The following EFL1 variants were observed in gnomAD, a reference collection of about 807,000 sequenced individuals.
The protein encoded by EFL1 is elongation factor-like GTPase 1.
Under a neutral mutation model 126.7 loss-of-function variants are expected in EFL1, and 76 were observed. The ratio of observed to expected loss-of-function variants is 0.60; its 90% CI spans 0.50 to 0.73. The LOEUF (loss-of-function observed/expected upper bound fraction) is 0.73, where lower values mean the gene tolerates loss of function less well. EFL1 is among the 30% of genes least tolerant of loss of function. EFL1 has a pLI of 0.00. For synonymous variants in EFL1, 410 were observed against 448.4 expected (o/e 0.91, Z 1.08); for missense variants, 1,128 against 1,343.2 (o/e 0.84, Z 2.50).
chr15:82,134,919 T>A, intron 19 of EFL1, among the ~76,000 whole-genome samples: 1 of 152,240 alleles, frequency 6.6e-6, no homozygotes, highest in South Asian at 2.1e-4. Context: ...TCAAAAGCTC[T>A]TGATTGTAAA....
In EFL1 at chr15:82,151,465, C is replaced by T. The variant is rs765604542; in HGVS notation, c.2989G>A (p.Gly997Ser). 1.1e-5 allele frequency: 17 copies of T among 1,602,104 alleles called. No individual in the cohort carries two copies. Among genetic ancestry groups the T allele is most frequent in the African/African-American group, 6.7e-5 (5 of 74,114 alleles). The change falls in exon 18 of 20, where the codon GGT becomes AGT. Residue 997 changes from glycine (G) to serine (S), a missense_variant and splice_region_variant. Physicochemically the swap from Gly to Ser is moderately conservative, Grantham distance 56. Transcript: ENST00000268206. ...ACTATCTTTACCTTTTCTTCCTTAC[C>T]GAGAACATCACCAGTGGCCATGATG... ...CDIMATGDVL[G>S]RVYAVLSKRE...
intron 17 of EFL1, among the ~76,000 whole-genome samples, chr15:82,154,217 C>T (rs1371039739): frequency 2.0e-5 from 3 of 152,174 alleles, no homozygotes. Flanking sequence ...AATGCAGAGC[C>T]TGTGATGACA....
At chr15:82,206,656 T>C (rs766579056) in intron 15 of EFL1, among the ~76,000 whole-genome samples, 4 of 152,094 alleles carry the variant, frequency 2.6e-5, no homozygotes, top group Non-Finnish European at 5.9e-5. Flanking sequence ...CTGGTCTCCA[T>C]TACAAATAAA....
At chr15:82,225,696 C>T (rs1330897341) in intron 11 of EFL1, among the ~76,000 whole-genome samples, 4 of 152,062 alleles carry the variant, frequency 2.6e-5, no homozygotes, top group Non-Finnish European at 4.4e-5. Flanking sequence ...CCCAATCCCC[C>T]ACAATAACAA....
chr15:82,140,954 A>G (rs2073780441), intron 18 of EFL1, among the ~76,000 whole-genome samples: 1 of 152,164 alleles, frequency 6.6e-6, no homozygotes, highest in African/African-American at 2.4e-5. Flanking sequence ...ACAATTCTTG[A>G]GTCCCAAATA....
chr15:82,201,823 T>C (rs2074471949), intron 15 of EFL1, among the ~76,000 whole-genome samples: 2 of 149,894 alleles, frequency 1.3e-5, no homozygotes, highest in South Asian at 4.3e-4. Flanking sequence ...GTTACTACTG[T>C]TTCCTTCTCC....
chr15:82,246,598 G>C (rs2074975242), intron 4 of EFL1, among the ~76,000 whole-genome samples: 2 of 152,074 alleles, frequency 1.3e-5, no homozygotes, highest in African/African-American at 4.8e-5. Flanking sequence ...AGAAAGACTT[G>C]AGCATGCTTA....
intron 3 of EFL1, among the ~76,000 whole-genome samples, chr15:82,255,949 A>G (rs899617858): frequency 6.6e-6 from 1 of 152,208 alleles, no homozygotes; most frequent in Non-Finnish European, 1.5e-5. Context: ...TTAAATCAGC[A>G]TATCAAGTTG....
Position 82,151,501 on chromosome 15 carries a change from A to G in EFL1, c.2953T>C (p.Tyr985His). Residue 985 changes from tyrosine to histidine, a missense_variant, in exon 18 of 20, where the codon TAC becomes CAC. This residue lies in a region of EFL1 where 561 missense variants were observed against 641.7 expected (regional missense o/e 0.87). Coordinates refer to ENST00000268206, the MANE Select transcript of EFL1 (RefSeq NM_024580.6). ...VKPQRLMAAMYTCDIMATGDV... is the reference protein window; with the variant it reads ...VKPQRLMAAMHTCDIMATGDV... Reference sequence around the variant, plus strand: ...CCAGTGGCCATGATGTCACATGTGTACATAGCTGCCATCAGGCGCTGAGGT... The same window carrying G: ...CCAGTGGCCATGATGTCACATGTGTGCATAGCTGCCATCAGGCGCTGAGGT... The G allele has an allele frequency of 1.2e-6, 2 of 1,613,780 alleles. No individual in the cohort carries two copies. Among genetic ancestry groups the G allele is most frequent in the Non-Finnish European group, 1.7e-6 (2 of 1,179,860 alleles).
intron 7 of EFL1, among the ~76,000 whole-genome samples, chr15:82,232,295 C>T (rs2074830522): frequency 6.6e-6 from 1 of 152,172 alleles, no homozygotes; most frequent in Admixed American, 6.5e-5. Context: ...ATGGTTAAAA[C>T]CAGAGATAAT....
At position 82,230,913 on chromosome 15, in the gene EFL1, T is replaced by G. The variant is rs1595997995; in HGVS notation, c.790A>C (p.Met264Leu). ...QKIGIKKEVL[M>L]KTLWGDYYIN... ...TAGTAATCTCCCCACAAGGTTTTCA[T>G]AAGAACTTCCTTTTTGATGCCAATT... Residue 264 changes from methionine (M) to leucine (L), a missense_variant, in exon 8 of 20, where the codon ATG becomes CTG. By Grantham distance (15) the Met-to-Leu change is conservative (BLOSUM62 2). Around this residue, in one of 6 missense-constraint regions of EFL1, gnomAD observed 316 missense variants for 318.5 expected, o/e 0.99. Coordinates refer to ENST00000268206, the MANE Select transcript of EFL1 (RefSeq NM_024580.6). The G allele has an allele frequency of 6.2e-7, 1 of 1,613,594 alleles. No individual in the cohort carries two copies. The highest frequency in any genetic ancestry group is 1.3e-5 in the African/African-American group (1 of 75,034).
chr15:82,132,801 G>A (rs1055286907), intron 19 of EFL1, among the ~76,000 whole-genome samples: 3 of 152,094 alleles, frequency 2.0e-5, no homozygotes, highest in Non-Finnish European at 4.4e-5. Flanking sequence ...TTGGTCATCT[G>A]AGGGGGTTCT....
At chr15:82,227,366 A>G (rs1258608256) in intron 11 of EFL1, 84 bp downstream of exon 11, 1 of 1,598,800 alleles carries the variant, frequency 6.3e-7, no homozygotes, top group Admixed American at 1.7e-5. Flanking sequence ...TTAGCAAACT[A>G]GCGTTCAGCA....
chr15:82,186,499 G>A (rs1263627930), intron 15 of EFL1, among the ~76,000 whole-genome samples: 1 of 152,162 alleles, frequency 6.6e-6, no homozygotes, highest in Non-Finnish European at 1.5e-5. Flanking sequence ...CAAATACCAG[G>A]TGTTCCAGTT....
At chr15:82,241,493 T>G in intron 4 of EFL1, 90 bp from the exon 5 acceptor site, 1 of 1,461,358 alleles carries the variant, frequency 6.8e-7, no homozygotes, top group African/African-American at 1.4e-5. Context: ...GCTGAAAGCT[T>G]CTAAGAAAAA....
chr15:82,132,728 G>A (rs932575127), intron 19 of EFL1, among the ~76,000 whole-genome samples: 5 of 147,590 alleles, frequency 3.4e-5, no homozygotes, highest in Admixed American at 1.4e-4. Flanking sequence ...GCGAATGGAT[G>A]GAATTTAGAC....
chr15:82,255,199 TG>T, intron 3 of EFL1, among the ~76,000 whole-genome samples: 1 of 152,354 alleles, frequency 6.6e-6, no homozygotes, highest in East Asian at 1.9e-4. Context: ...CTAAGTAAGA[TG>T]GGTGATAAAT....
At position 82,152,325 on chromosome 15, in the gene EFL1, C is replaced by A; in HGVS notation, c.2129G>T (p.Gly710Val). 6.2e-7 allele frequency: 1 copy of A among 1,613,940 alleles called. No homozygotes were observed. The highest frequency in any genetic ancestry group is 8.5e-7 in the Non-Finnish European group (1 of 1,180,014). The change falls in exon 18 of 20, where the codon GGC (glycine) becomes GTC (valine). Residue 710 changes from glycine (G) to valine (V), a missense_variant. By Grantham distance (109) the Gly-to-Val change is moderately radical (BLOSUM62 -3). Transcript: ENST00000268206. ...TATGACTGCAACTTTTTGCTGTTTG[C>A]CTATTTCTTCATTGACCATGTCAAC... ...PKVDMVNEEI[G>V]KQQKVAVIHQ... is the part of the protein sequence containing the mutation.
intron 16 of EFL1, among the ~76,000 whole-genome samples, chr15:82,162,840 C>T (rs1327905200): frequency 6.6e-6 from 1 of 152,178 alleles, no homozygotes; most frequent in African/African-American, 2.4e-5. Flanking sequence ...TACATATGTT[C>T]AGGAGCAATG....
Sources: allele counts gnomAD v4.1 joint callset (sites outside exome capture counted in the v4.1 genomes callset), GRCh38; gene constraint gnomAD v4.1.1; regional missense constraint gnomAD v4.1.1; transcripts MANE v1.5; gene names NCBI Gene and HGNC (gene_info 2026-07-23, HGNC 2026-07-21).